VWA8: variants seen among roughly 807,000 people sequenced by gnomAD.
VWA8 encodes the protein von Willebrand factor A domain containing 8, also known as von Willebrand factor A domain-containing protein 8.
A neutral mutation model predicts 241.5 loss-of-function variants in VWA8; 221 were observed. The ratio of observed to expected loss-of-function variants is 0.91; its 90% CI spans 0.82 to 1.02. The LOEUF is 1.02. Ranked by LOEUF, VWA8 falls within the 50% of genes least tolerant of loss-of-function variation. VWA8 has a pLI of 0.00. For synonymous variants in VWA8, 852 were observed against 827.1 expected (o/e 1.03, Z -0.52); for missense variants, 2,322 against 2,328.7 (o/e 1.00, Z 0.06).
intron 40 of VWA8, among the ~76,000 whole-genome samples, chr13:41,597,626 T>C (rs2044497056): frequency 1.3e-5 from 2 of 152,128 alleles, no homozygotes; most frequent in African/African-American, 2.4e-5. Flanking sequence ...TCACTTTTTA[T>C]GAACTAAAAT....
At chr13:41,765,971 T>G (rs982680706) in intron 20 of VWA8, among the ~76,000 whole-genome samples, 1 of 152,140 alleles carries the variant, frequency 6.6e-6, no homozygotes, top group African/African-American at 2.4e-5. Context: ...CTCTTCATGA[T>G]GACGTACTGG....
intron 4 of VWA8, among the ~76,000 whole-genome samples, chr13:41,899,176 T>C (rs912514217): frequency 4.6e-5 from 7 of 152,208 alleles, no homozygotes; most frequent in Admixed American, 2.0e-4. Flanking sequence ...AAATGGACTA[T>C]TGTCAACTAA....
At chr13:41,720,680 A>G (rs142396960) in intron 25 of VWA8, among the ~76,000 whole-genome samples, 384 of 152,208 alleles carry the variant, frequency 2.5e-3, no homozygotes, top group African/African-American at 8.9e-3. Flanking sequence ...CCTTGGATCA[A>G]CATCTTCCCC....
At chr13:41,849,512 C>G (rs1872432955) in intron 12 of VWA8, among the ~76,000 whole-genome samples, 1 of 152,210 alleles carries the variant, frequency 6.6e-6, no homozygotes. Flanking sequence ...TTGCAGTGGT[C>G]TTCAATGACT....
chr13:41,843,407 CAATCT>C (rs1249067541), intron 12 of VWA8, among the ~76,000 whole-genome samples: 2 of 152,050 alleles, frequency 1.3e-5, no homozygotes, highest in African/African-American at 4.8e-5. Context: ...TTCAAATCAA[CAATCT>C]AATCTAACAT....
chr13:41,811,211 A>T lies in VWA8; in HGVS notation c.2063+14T>A. ...ATCCAGAAACTTACACGCAGTGAGA[A>T]AGAATATGTTTACCTGGAAAGGCAG... is the stretch of plus-strand genomic sequence containing the variant. On this transcript the variant is annotated intron_variant, in intron 17 of 44. Coordinates refer to ENST00000379310, the MANE Select transcript of VWA8 (RefSeq NM_015058.2). 6.3e-7 allele frequency: 1 copy of T among 1,589,702 alleles called. No homozygotes were observed. Among genetic ancestry groups the T allele is most frequent in the Non-Finnish European group, 8.6e-7 (1 of 1,159,976 alleles).
At chr13:41,919,887 C>G (rs949013633) in intron 2 of VWA8, among the ~76,000 whole-genome samples, 2 of 152,136 alleles carry the variant, frequency 1.3e-5, no homozygotes, top group East Asian at 3.9e-4. Context: ...CAAGCTGATA[C>G]GGCATCTTAC....
chr13:41,724,087 T>C (rs921989244), intron 24 of VWA8, among the ~76,000 whole-genome samples: 2 of 152,152 alleles, frequency 1.3e-5, no homozygotes, highest in Non-Finnish European at 2.9e-5. Context: ...GTATCAACTA[T>C]ATACTATATT....
intron 37 of VWA8, among the ~76,000 whole-genome samples, chr13:41,644,300 G>C (rs1298383465): frequency 6.6e-6 from 1 of 151,910 alleles, no homozygotes; most frequent in African/African-American, 2.4e-5. Flanking sequence ...AGAGTGTAGA[G>C]AGGTAGTTTG....
Position 41,656,884 on chromosome 13 carries a change from G to A in VWA8, c.4611+14062C>T, listed in dbSNP as rs138753731. Among the ~76,000 whole-genome samples the A allele has an allele frequency of 2.8e-3, 429 of 152,292 alleles. 9 individuals carry two copies. Among genetic ancestry groups the A allele is most frequent in the Admixed American group, 0.027 (409 of 15,304 alleles). Reference sequence around the variant, plus strand: ...AAAAATAAAAATCACATGGTCATGCGTGTTGTTCATCCAGCATTTCTTCTG... The same window carrying A: ...AAAAATAAAAATCACATGGTCATGCATGTTGTTCATCCAGCATTTCTTCTG... On this transcript the variant is annotated intron_variant, in intron 37 of 44. Coordinates refer to ENST00000379310, the MANE Select transcript of VWA8 (RefSeq NM_015058.2).
intron 15 of VWA8, among the ~76,000 whole-genome samples, chr13:41,818,658 G>A (rs116921053): frequency 2.0e-5 from 3 of 152,252 alleles, no homozygotes; most frequent in Non-Finnish European, 4.4e-5. Flanking sequence ...TAACCACAAT[G>A]CTTAAGGCAC....
intron 37 of VWA8, among the ~76,000 whole-genome samples, chr13:41,628,153 C>T (rs1348413114): frequency 6.6e-6 from 1 of 152,044 alleles, no homozygotes; most frequent in African/African-American, 2.4e-5. Context: ...CTTTCATTTT[C>T]AATAAAACCC....
intron 1 of VWA8, among the ~76,000 whole-genome samples, chr13:41,953,410 T>G (rs1022165235): frequency 6.6e-6 from 1 of 152,242 alleles, no homozygotes; most frequent in Non-Finnish European, 1.5e-5. Context: ...TTTTTAGTAT[T>G]GTAATTGGTT....
At chr13:41,571,479 C>T (rs984487224) in intron 43 of VWA8, among the ~76,000 whole-genome samples, 17 of 152,124 alleles carry the variant, frequency 1.1e-4, no homozygotes, top group Non-Finnish European at 1.9e-4. Flanking sequence ...CTGCAGAGTG[C>T]CTGGGATTGC....
rs752560302 is a variant in VWA8, at chr13:41,816,736, A to G, written c.1909T>C (p.Ser637Pro). Residue 637 changes from serine (S) to proline (P), a missense_variant, in exon 16 of 45, where the codon TCA becomes CCA. Coordinates refer to ENST00000379310, the MANE Select transcript of VWA8 (RefSeq NM_015058.2). The part of the protein sequence containing the change: ...VPQEALDKLL[S>P]FTHKLRETQD... Reference sequence around the variant, plus strand: ...GTTTCTCTGAGTTTGTGTGTAAATGATAATAACTTATCCAGAGCTTCCTGA... The same window carrying G: ...GTTTCTCTGAGTTTGTGTGTAAATGGTAATAACTTATCCAGAGCTTCCTGA... 2 of 1,613,766 alleles carry G rather than the reference A, an allele frequency of 1.2e-6. No individual in the cohort carries two copies. Among genetic ancestry groups the G allele is most frequent in the Non-Finnish European group, 8.5e-7 (1 of 1,179,802 alleles).
At chr13:41,757,528 C>G (rs755253749) in intron 21 of VWA8, among the ~76,000 whole-genome samples, 2 of 151,580 alleles carry the variant, frequency 1.3e-5, no homozygotes, top group South Asian at 2.1e-4. Flanking sequence ...TAGGGTATGA[C>G]TGATCCTGCC....
chr13:41,731,237 G>A (rs1053586290), intron 22 of VWA8, among the ~76,000 whole-genome samples: 1 of 151,954 alleles, frequency 6.6e-6, no homozygotes, highest in Non-Finnish European at 1.5e-5. Context: ...TGACTTATTT[G>A]TGCCATTACT....
At chr13:41,636,856 C>G (rs1349166336) in intron 37 of VWA8, among the ~76,000 whole-genome samples, 1 of 151,970 alleles carries the variant, frequency 6.6e-6, no homozygotes, top group African/African-American at 2.4e-5. Context: ...AAATCAAAAC[C>G]ACAATGAGAT....
chr13:41,956,875 T>C (rs1878371847), intron 1 of VWA8, among the ~76,000 whole-genome samples: 1 of 152,228 alleles, frequency 6.6e-6, no homozygotes. Context: ...CATGTTAATA[T>C]GTTCACAATA....
Sources: gnomAD v4.1 joint callset for allele counts (sites outside exome capture counted in the v4.1 genomes callset) on GRCh38, gnomAD v4.1.1 for gene constraint, MANE v1.5 for transcripts, NCBI Gene and HGNC (gene_info 2026-07-23, HGNC 2026-07-21) for gene names.